CDH18: variants seen among roughly 807,000 people sequenced by gnomAD.
CDH18 encodes the protein cadherin 18, also known as cadherin-18.
In CDH18, 31 loss-of-function variants were observed where a neutral mutation model predicts 67.9. The observed-to-expected ratio is 0.46, with a 90% CI of 0.34 to 0.62. The LOEUF is 0.62. Among genes scored for constraint, CDH18 ranks in the 20% least tolerant of loss-of-function variants. The pLI is 0.01. For missense variants in CDH18, 890 were observed against 975.5 expected (o/e 0.91, Z 1.17); for synonymous variants, 362 against 347.2 (o/e 1.04, Z -0.48).
intron 1 of CDH18, among the ~76,000 whole-genome samples, chr5:20,271,048 C>G (rs1561928053): frequency 6.6e-6 from 1 of 151,934 alleles, no homozygotes. Context: ...GACTTAATAC[C>G]TGAGTGATGA....
intron 7 of CDH18, among the ~76,000 whole-genome samples, chr5:19,575,143 T>C (rs889924556): frequency 1.3e-5 from 2 of 152,246 alleles, no homozygotes; most frequent in African/African-American, 4.8e-5. Context: ...GGATGCCCAG[T>C]TACATTTAAA....
At chr5:20,235,925 A>T (rs993132886) in intron 2 of CDH18, among the ~76,000 whole-genome samples, 7 of 152,212 alleles carry the variant, frequency 4.6e-5, no homozygotes, top group Non-Finnish European at 7.4e-5. Flanking sequence ...AGACATAAAA[A>T]GAACAAAATC....
At chr5:20,278,865 C>G (rs1189154108) in intron 1 of CDH18, among the ~76,000 whole-genome samples, 1 of 151,784 alleles carries the variant, frequency 6.6e-6, no homozygotes, top group Non-Finnish European at 1.5e-5. Context: ...TTGGTAACCT[C>G]AAATCAGAAA....
At chr5:20,551,636 C>T (rs1053730977) in intron 1 of CDH18, among the ~76,000 whole-genome samples, 1 of 152,136 alleles carries the variant, frequency 6.6e-6, no homozygotes, top group African/African-American at 2.4e-5. Context: ...ACTGGAGTCC[C>T]TCTGAGTTGG....
At chr5:19,525,075 G>T (rs1017612552) in intron 9 of CDH18, among the ~76,000 whole-genome samples, 1 of 152,082 alleles carries the variant, frequency 6.6e-6, no homozygotes, top group Non-Finnish European at 1.5e-5. Flanking sequence ...AAAAGGCAGG[G>T]TTAAAAGCAA....
At chr5:19,654,504 G>A (rs1424122453) in intron 5 of CDH18, among the ~76,000 whole-genome samples, 1 of 152,184 alleles carries the variant, frequency 6.6e-6, no homozygotes, top group African/African-American at 2.4e-5. Flanking sequence ...CCCCTTACAG[G>A]AGAGGGAGCA....
chr5:20,295,600 A>G (rs1461648094), intron 1 of CDH18, among the ~76,000 whole-genome samples: 1 of 151,450 alleles, frequency 6.6e-6, no homozygotes, highest in Admixed American at 6.6e-5. Context: ...GGTGGCGTGC[A>G]CCTGTAGTCC....
In CDH18 at chr5:20,041,887, A is replaced by C. The variant is rs549805493; in HGVS notation, c.-517-49873T>G. Among the ~76,000 whole-genome samples the C allele has an allele frequency of 1.3e-3, 200 of 152,354 alleles. 1 individual carries two copies. The highest frequency in any genetic ancestry group is 4.5e-3 in the African/African-American group (187 of 41,594). On this transcript the variant is annotated intron_variant, in intron 2 of 14. Coordinates refer to the CDH18 transcript ENST00000507958. ...CAAGCAATATCACACTTGGTAACAG[A>C]TCATTTGTATTATTTAGAACTGAAA...
intron 7 of CDH18, among the ~76,000 whole-genome samples, chr5:19,580,001 G>T (rs1409716058): frequency 6.6e-6 from 1 of 151,528 alleles, no homozygotes; most frequent in Non-Finnish European, 1.5e-5. Context: ...TATTCCAACT[G>T]GTCAGAAGTT....
intron 1 of CDH18, among the ~76,000 whole-genome samples, chr5:20,430,990 C>T (rs923706672): frequency 7.2e-5 from 11 of 152,114 alleles, no homozygotes; most frequent in Non-Finnish European, 4.4e-5. Flanking sequence ...TATATTTATA[C>T]TTGTTAATGT....
chr5:20,442,862 G>C (rs549911097), intron 1 of CDH18, among the ~76,000 whole-genome samples: 1 of 151,940 alleles, frequency 6.6e-6, no homozygotes, highest in South Asian at 2.1e-4. Flanking sequence ...CAATGGATCA[G>C]ATATGTAGAC....
chr5:20,049,320 C>CA (rs1033502536), intron 2 of CDH18, among the ~76,000 whole-genome samples: 21 of 149,684 alleles, frequency 1.4e-4, no homozygotes, highest in South Asian at 6.3e-4. Flanking sequence ...AACACATACA[C>CA]AAAAAAAAAT....
At chr5:19,731,803 T>C (rs964445938) in intron 4 of CDH18, among the ~76,000 whole-genome samples, 9 of 152,136 alleles carry the variant, frequency 5.9e-5, no homozygotes, top group African/African-American at 2.2e-4. Context: ...CAAGAATTAA[T>C]GCATGAGTCT....
chr5:20,425,260 T>C (rs1433085149), intron 1 of CDH18, among the ~76,000 whole-genome samples: 1 of 150,380 alleles, frequency 6.6e-6, no homozygotes, highest in Admixed American at 6.6e-5. Flanking sequence ...CCAGTTACTC[T>C]ACTCGGGAGG....
intron 2 of CDH18, among the ~76,000 whole-genome samples, chr5:19,884,059 A>C (rs1162580354): frequency 6.6e-6 from 1 of 152,130 alleles, no homozygotes; most frequent in Non-Finnish European, 1.5e-5. Context: ...GATATGTTGA[A>C]ATGTATAATC....
In CDH18 at chr5:20,053,284, A is replaced by G. The variant is rs561143657; in HGVS notation, c.-517-61270T>C. Reference sequence around the variant, plus strand: ...ATATACATATAGTATAGATATATATATATGATATATGTAGTATATATAGCA... The same window carrying G: ...ATATACATATAGTATAGATATATATGTATGATATATGTAGTATATATAGCA... On this transcript the variant is annotated intron_variant, in intron 2 of 14. Transcript: ENST00000507958. 2.0e-5 allele frequency among the ~76,000 whole-genome samples: 3 copies of G among 151,328 alleles called. No individual in the cohort carries two copies. The East Asian group carries it at 5.8e-4, about 29-fold the overall frequency.
intron 1 of CDH18, among the ~76,000 whole-genome samples, chr5:20,393,581 T>A (rs1215348233): frequency 2.0e-5 from 3 of 151,942 alleles, no homozygotes; most frequent in Non-Finnish European, 4.4e-5. Context: ...ACAACTACAC[T>A]ATCTCTGTTT....
chr5:19,698,283 A>G lies in CDH18; in HGVS notation c.643+23064T>C, dbSNP rs1449669178. 2.0e-5 allele frequency among the ~76,000 whole-genome samples: 3 copies of G among 152,138 alleles called. No individual in the cohort carries two copies. The South Asian group carries it at 6.2e-4, about 31-fold the overall frequency. ...TTCTTTCATCTATTTTTATGAAAGC[A>G]TTATCATTTTATGAGCTTGCACATT... On this transcript the variant is annotated intron_variant, in intron 5 of 12. Transcript: ENST00000382275.
chr5:19,733,877 TGCA>T (rs1767944556), intron 4 of CDH18, among the ~76,000 whole-genome samples: 1 of 152,330 alleles, frequency 6.6e-6, no homozygotes, highest in East Asian at 1.9e-4. Flanking sequence ...CTGATCTTAC[TGCA>T]GCCTCACACA....
Sources: allele counts gnomAD v4.1 joint callset (sites outside exome capture counted in the v4.1 genomes callset), GRCh38; gene constraint gnomAD v4.1.1; transcripts MANE v1.5; gene names NCBI Gene and HGNC (gene_info 2026-07-23, HGNC 2026-07-21).